OOSP2: variants seen among roughly 807,000 people sequenced by gnomAD.
The protein encoded by OOSP2 is oocyte secreted protein 2, also known as oocyte-secreted protein 2.
OOSP2 carries 7 observed loss-of-function variants against 13.4 expected under a neutral mutation model. The observed-to-expected ratio is 0.52, with a 90% confidence interval of 0.30 to 0.98. The LOEUF is 0.98. OOSP2 is among the 50% of genes least tolerant of loss of function. The probability of loss-of-function intolerance (pLI) is 0.07; values close to 1 mark genes in which losing one functional copy is unlikely to be tolerated. For synonymous variants in OOSP2, 75 were observed against 67.2 expected, an observed-to-expected ratio of 1.12 and a Z score of -0.57; for missense variants, 184 against 188.5, an observed-to-expected ratio of 0.98 and a Z score of 0.14.
intron 3 of OOSP2, among the ~76,000 whole-genome samples, chr11:60,045,733 A>G (rs1257930980): frequency 1.3e-5 from 2 of 152,198 alleles, no homozygotes; most frequent in African/African-American, 2.4e-5. Flanking sequence ...TTAAGTGTAC[A>G]GTTCAGTGGC....
chr11:60,041,101 G>GC (rs1213923379), intron 1 of OOSP2, among the ~76,000 whole-genome samples: 1 of 152,158 alleles, frequency 6.6e-6, no homozygotes, highest in African/African-American at 2.4e-5. Flanking sequence ...ATGCTTGCCA[G>GC]CTCCAAGGCC....
intron 3 of OOSP2, among the ~76,000 whole-genome samples, chr11:60,046,197 CTCTCTCTCTCTCTG>C (rs1331491083): frequency 6.1e-4 from 87 of 143,396 alleles, no homozygotes; most frequent in African/African-American, 2.1e-3. Flanking sequence ...TTCTCTGTCT[CTCTCTCTCTCTCTG>C]TCTCTCTCTC....
In OOSP2 at chr11:60,047,511, A is replaced by C. The variant is rs1282016800; in HGVS notation, c.*438A>C. ...AAATTTAACATATTAACTCTCACGA[A>C]AGGCAAAATCCTTTTATGTGCAGAT... On this transcript the variant is annotated 3_prime_UTR_variant, in exon 4 of 4. Coordinates refer to ENST00000278855, the MANE Select transcript of OOSP2 (RefSeq NM_173801.5). The C allele has an allele frequency of 1.3e-5, 2 of 152,724 alleles. No individual in the cohort carries two copies. Among genetic ancestry groups the C allele is most frequent in the African/African-American group, 4.8e-5 (2 of 41,612 alleles). 9.5% of individuals were successfully genotyped at this position (152,724 alleles called of 1,614,324 possible).
At chr11:60,044,330 G>A (rs1018620194) in intron 2 of OOSP2, among the ~76,000 whole-genome samples, 2 of 152,152 alleles carry the variant, frequency 1.3e-5, no homozygotes, top group Admixed American at 6.5e-5. Context: ...AATACTCTCC[G>A]AAGCTTGTGC....
chr11:60,042,571 A>G (rs1350614858), intron 1 of OOSP2, among the ~76,000 whole-genome samples: 3 of 152,196 alleles, frequency 2.0e-5, no homozygotes, highest in African/African-American at 7.2e-5. Flanking sequence ...AATGATTATT[A>G]TTGACTTACT....
chr11:60,047,015 A>G lies in OOSP2; in HGVS notation c.419A>G (p.Asp140Gly). Residue 140 changes from aspartate to glycine, a missense_variant, in exon 4 of 4, where the codon GAC becomes GGC. Coordinates refer to ENST00000278855, the MANE Select transcript of OOSP2 (RefSeq NM_173801.5). ...TTGGATCCTAGTCCTTTTATTGCTG[A>G]CTTTCAGACAACAGCAGAAGAGTTA... ...IKLDPSPFIA[D>G]FQTTAEELGL... 2 of 1,609,862 alleles carry G rather than the reference A, an allele frequency of 1.2e-6. No individual in the cohort carries two copies. Among genetic ancestry groups the G allele is most frequent in the South Asian group, 2.2e-5 (2 of 90,974 alleles).
In OOSP2 at chr11:60,043,532, A is replaced by C. The variant is rs1164495269; in HGVS notation, c.128A>C (p.Asn43Thr). 6.2e-7 allele frequency: 1 copy of C among 1,612,770 alleles called. No individual in the cohort carries two copies. The highest frequency in any genetic ancestry group is 1.3e-5 in the African/African-American group (1 of 74,884). The change falls in exon 2 of 4, where the codon AAT becomes ACT. Residue 43 changes from asparagine (N) to threonine (T), a missense_variant. Coordinates refer to ENST00000278855, the MANE Select transcript of OOSP2 (RefSeq NM_173801.5). ...VSVIPVAESR[N>T]LYIFADELHL... ...GTTATCCCAGTTGCAGAAAGCAGAAATCTGTATATATTTGCGGATGAATTA... is the reference window on the plus strand; with the variant it reads ...GTTATCCCAGTTGCAGAAAGCAGAACTCTGTATATATTTGCGGATGAATTA...
chr11:60,042,814 C>G (rs1030108856), intron 1 of OOSP2, among the ~76,000 whole-genome samples: 3 of 152,146 alleles, frequency 2.0e-5, no homozygotes, highest in Non-Finnish European at 4.4e-5. Context: ...CAATTCACTT[C>G]TGCCCCTTAT....
chr11:60,044,801 G>C (rs1854988331), intron 3 of OOSP2, 27 bp downstream of exon 3: 1 of 1,111,000 alleles, frequency 9.0e-7, no homozygotes, highest in African/African-American at 1.5e-5. Context: ...TGATTCCTTT[G>C]GAATGTTTTA....
At position 60,047,326 on chromosome 11, in the gene OOSP2, T is replaced by A; in HGVS notation, c.*253T>A. 3.7e-6 allele frequency: 1 copy of A among 271,162 alleles called. No individual in the cohort carries two copies. Among genetic ancestry groups the A allele is most frequent in the Non-Finnish European group, 6.9e-6 (1 of 144,494 alleles). The allele number at this position is 271,162 out of a possible 1,614,324, so 16.8% of individuals were successfully genotyped here. ...ATTCATATTATACATTTAAGTTCTT[T>A]CTGTTCTGTGTAGAAGATTCAGAAA... On this transcript the variant is annotated 3_prime_UTR_variant, in exon 4 of 4. Coordinates refer to ENST00000278855, the MANE Select transcript of OOSP2 (RefSeq NM_173801.5).
At position 60,040,449 on chromosome 11, in the gene OOSP2, C is replaced by T. The variant is rs375512065; in HGVS notation, c.-11C>T. The T allele has an allele frequency of 1.8e-4, 288 of 1,564,736 alleles. No homozygotes were observed. The highest frequency in any genetic ancestry group is 2.2e-4 in the Non-Finnish European group (255 of 1,134,982). On this transcript the variant is annotated 5_prime_UTR_variant, in exon 1 of 4. The change creates a new upstream start codon in the 5' untranslated region. Transcript: ENST00000278855. ...GTCCTGTGCTGGAGGTCTGCTCAGA[C>T]GAAGGTCTCCATGGCGTTAGAAGTC... is the stretch of plus-strand genomic sequence containing the variant.
chr11:60,041,717 G>T (rs772221006), intron 1 of OOSP2, among the ~76,000 whole-genome samples: 3 of 150,738 alleles, frequency 2.0e-5, no homozygotes, highest in Non-Finnish European at 4.4e-5. Flanking sequence ...CTTGTGTAGT[G>T]GTGGGCGCCT....
chr11:60,041,429 G>A (rs916607169), intron 1 of OOSP2, among the ~76,000 whole-genome samples: 2 of 152,182 alleles, frequency 1.3e-5, no homozygotes, highest in African/African-American at 4.8e-5. Context: ...TATTTAGGGT[G>A]GGTAGGGTGT....
chr11:60,043,599 T>A lies in OOSP2; in HGVS notation c.195T>A (p.Tyr65Ter). 2 of 1,607,992 alleles carry A rather than the reference T, an allele frequency of 1.2e-6. No individual in the cohort carries two copies. The highest frequency in any genetic ancestry group is 1.7e-5 in the Admixed American group (1 of 59,988). The part of the protein sequence containing the change: ...MGCPANRIHT[Y>*]VYEFIYLVRD... Reference sequence around the variant, plus strand: ...GCCCTGCAAATCGGATACATACATATGTATATGAGTTTATATATCTTGTTC... The same window carrying A: ...GCCCTGCAAATCGGATACATACATAAGTATATGAGTTTATATATCTTGTTC... Residue 65 changes from tyrosine to a stop codon, truncating the protein, a stop_gained, in exon 2 of 4, where the codon TAT (tyrosine) becomes TAA (stop). Coordinates refer to ENST00000278855, the MANE Select transcript of OOSP2 (RefSeq NM_173801.5). LOFTEE classifies it high-confidence loss of function.
At chr11:60,043,151 G>T (rs767791373) in intron 1 of OOSP2, among the ~76,000 whole-genome samples, 1 of 152,052 alleles carries the variant, frequency 6.6e-6, no homozygotes. Context: ...TAATGCGCCC[G>T]CCTCGGCCTC....
chr11:60,046,007 T>A (rs75527033), intron 3 of OOSP2, among the ~76,000 whole-genome samples: 1,590 of 147,426 alleles, frequency 0.011, 13 homozygotes, highest in Non-Finnish European at 0.017. Context: ...TCCCTCTGTC[T>A]CTCACTCTGC....
intron 1 of OOSP2, 89 bp from the exon 2 acceptor site, chr11:60,043,380 T>C (rs1468261348): frequency 1.1e-5 from 8 of 707,818 alleles, no homozygotes; most frequent in Non-Finnish European, 1.8e-5. Context: ...ATGCCTTTTA[T>C]TTATCACAGA....
Position 60,046,961 on chromosome 11 carries a change from C to CA in OOSP2, c.366dup (p.Pro123ThrfsTer5), listed in dbSNP as rs1251740953. 1 of 1,610,514 alleles carries CA rather than the reference C, an allele frequency of 6.2e-7. No homozygotes were observed. On this transcript the variant is annotated frameshift_variant, in exon 4 of 4. Transcript: ENST00000278855. LOFTEE classifies it low-confidence loss of function (END_TRUNC). ...TTCTTTAGGAAATCAGTGTGGCTTA[C>CA]ACCAGTTTCTACTGAGAATGAAATA...
At chr11:60,045,171 C>T (rs12364417) in intron 3 of OOSP2, among the ~76,000 whole-genome samples, 4,471 of 152,106 alleles carry the variant, frequency 0.029, 103 homozygotes, top group East Asian at 0.11. Flanking sequence ...TCAATTTCAT[C>T]TTATAAGAGT....
Sources: allele counts gnomAD v4.1 joint callset (sites outside exome capture counted in the v4.1 genomes callset), GRCh38; gene constraint gnomAD v4.1.1; transcripts MANE v1.5; gene names NCBI Gene and HGNC (gene_info 2026-07-23, HGNC 2026-07-21).